The following EPB41L4A variants were observed in gnomAD, a reference collection of about 807,000 sequenced individuals.
EPB41L4A encodes the protein band 4.1-like protein 4A.
A neutral mutation model predicts 108.6 loss-of-function variants in EPB41L4A; 100 were observed. That is an observed-to-expected ratio of 0.92 (90% CI 0.78 to 1.09). EPB41L4A has a LOEUF of 1.09. Among genes scored for constraint, EPB41L4A ranks in the 50% least tolerant of loss-of-function variants. EPB41L4A has a pLI of 0.00. For missense variants in EPB41L4A, 1,030 were observed against 842.7 expected (o/e 1.22, Z -2.75); for synonymous variants, 319 against 289.0 (o/e 1.10, Z -1.05).
At chr5:112,171,111 GA>G (rs1760556366) in intron 18 of EPB41L4A, 119 bp from the exon 19 acceptor site, 3 of 850,102 alleles carry the variant, frequency 3.5e-6, no homozygotes, top group Admixed American at 4.4e-5. Flanking sequence ...AACAGACAAG[GA>G]AAGACTGGAC....
In EPB41L4A at chr5:112,261,598, C is replaced by A. The variant is rs575594030; in HGVS notation, c.642+896G>T. ...AGAGAAGTAGCTCAAAGGTTAAAAC[C>A]CGGATCCAGAACACTCAGTGCAGAT... On this transcript the variant is annotated intron_variant, in intron 7 of 22. Transcript: ENST00000261486. Among the ~76,000 whole-genome samples the A allele has an allele frequency of 2.7e-5, 4 of 150,542 alleles. No homozygotes were observed. In the South Asian group the frequency reaches 8.9e-4, roughly 34 times the overall value.
At chr5:112,235,857 A>T (rs1749293168) in intron 11 of EPB41L4A, among the ~76,000 whole-genome samples, 1 of 152,216 alleles carries the variant, frequency 6.6e-6, no homozygotes, top group South Asian at 2.1e-4. Context: ...GTAACAGTTC[A>T]TGGAAATTCG....
chr5:112,418,297 G>A (rs1293226351), intron 1 of EPB41L4A, among the ~76,000 whole-genome samples: 1 of 152,146 alleles, frequency 6.6e-6, no homozygotes, highest in Non-Finnish European at 1.5e-5. Flanking sequence ...CTGCCTTTTT[G>A]TTTGGGCTCT....
At chr5:112,175,597 A>G (rs182357894) in intron 18 of EPB41L4A, 2 of 152,252 alleles carry the variant, frequency 1.3e-5, no homozygotes, top group Non-Finnish European at 2.9e-5. Context: ...ATTTAAGAAT[A>G]TGGGAGTAAT....
intron 2 of EPB41L4A, among the ~76,000 whole-genome samples, chr5:112,283,893 G>A (rs942677288): frequency 2.6e-5 from 4 of 152,114 alleles, no homozygotes; most frequent in African/African-American, 9.7e-5. Context: ...TGCAGGGTGA[G>A]TATACAATGG....
At chr5:112,290,468 C>T (rs1453344478) in intron 2 of EPB41L4A, among the ~76,000 whole-genome samples, 1 of 152,118 alleles carries the variant, frequency 6.6e-6, no homozygotes, top group Non-Finnish European at 1.5e-5. Flanking sequence ...TGAAAATAAA[C>T]ATGGTTTTAG....
intron 2 of EPB41L4A, among the ~76,000 whole-genome samples, chr5:112,306,568 G>A (rs1161686123): frequency 1.3e-5 from 2 of 152,134 alleles, no homozygotes; most frequent in Non-Finnish European, 2.9e-5. Flanking sequence ...GAAGGAAGAG[G>A]AGGACATCTC....
At chr5:112,378,991 G>A (rs1009096410) in intron 1 of EPB41L4A, among the ~76,000 whole-genome samples, 1 of 152,148 alleles carries the variant, frequency 6.6e-6, no homozygotes, top group Non-Finnish European at 1.5e-5. Flanking sequence ...TTAGTTATAT[G>A]CAGGTGTCTA....
intron 12 of EPB41L4A, among the ~76,000 whole-genome samples, chr5:112,234,030 C>T (rs988320187): frequency 1.3e-5 from 2 of 151,452 alleles, no homozygotes; most frequent in East Asian, 1.9e-4. Context: ...TCAAAAAGAA[C>T]GTATGGGGCC....
In EPB41L4A at chr5:112,215,992, G is replaced by C. The variant is rs887796758; in HGVS notation, c.1088-6010C>G. The stretch of plus-strand genomic sequence containing the variant: ...CAGTACTGAAATGCCAGTGTGCAAA[G>C]CTCCAGGGTTTCATTTGTTCGTTTT... On this transcript the variant is annotated intron_variant, in intron 12 of 22. Coordinates refer to ENST00000261486, the MANE Select transcript of EPB41L4A (RefSeq NM_022140.5). 7.2e-5 allele frequency among the ~76,000 whole-genome samples: 11 copies of C among 152,232 alleles called. No homozygotes were observed. The East Asian group carries it at 1.7e-3, about 24-fold the overall frequency.
At chr5:112,190,367 C>G (rs1392888680) in intron 17 of EPB41L4A, among the ~76,000 whole-genome samples, 1 of 152,144 alleles carries the variant, frequency 6.6e-6, no homozygotes, top group Non-Finnish European at 1.5e-5. Flanking sequence ...CAGACCCTAT[C>G]TTTAGAAAAC....
At chr5:112,298,991 T>C (rs1409709006) in intron 2 of EPB41L4A, among the ~76,000 whole-genome samples, 1 of 152,246 alleles carries the variant, frequency 6.6e-6, no homozygotes, top group Non-Finnish European at 1.5e-5. Context: ...TCAGTTGTAA[T>C]ATCCCCCATT....
intron 12 of EPB41L4A, among the ~76,000 whole-genome samples, chr5:112,233,044 T>TA (rs1035904695): frequency 2.2e-4 from 34 of 151,164 alleles, no homozygotes; most frequent in Admixed American, 1.5e-3. Flanking sequence ...GTGTCTTCAT[T>TA]AAAAAAAAAT....
At chr5:112,151,955 T>C (rs7449256) in intron 12 of EPB41L4A, among the ~76,000 whole-genome samples, 33,998 of 151,952 alleles carry the variant, frequency 0.22, 4,108 homozygotes, top group African/African-American at 0.31. Flanking sequence ...TGGTCTTGAA[T>C]TCCTGACCTC....
At chr5:112,269,942 C>T (rs1247266164) in intron 4 of EPB41L4A, among the ~76,000 whole-genome samples, 1 of 152,186 alleles carries the variant, frequency 6.6e-6, no homozygotes, top group African/African-American at 2.4e-5. Context: ...ACTTAACACA[C>T]TGCCACCACC....
At chr5:112,383,879 T>C (rs1293202942) in intron 1 of EPB41L4A, among the ~76,000 whole-genome samples, 1 of 152,204 alleles carries the variant, frequency 6.6e-6, no homozygotes, top group African/African-American at 2.4e-5. Context: ...TCCATTTGTA[T>C]ATCTCAAGAT....
At chr5:112,367,685 G>A (rs752293873) in intron 1 of EPB41L4A, among the ~76,000 whole-genome samples, 7 of 152,162 alleles carry the variant, frequency 4.6e-5, no homozygotes, top group Admixed American at 2.0e-4. Context: ...CATGCTGTGC[G>A]CAAACGCCTC....
chr5:112,340,782 C>T lies in EPB41L4A; in HGVS notation c.100-33292G>A, dbSNP rs539348862. ...TTAAAAAGGACGTATATTGTTGCTC[C>T]TATGTCTACTCCCTGGATAGAGATT... On this transcript the variant is annotated intron_variant, in intron 1 of 22. Coordinates refer to ENST00000261486, the MANE Select transcript of EPB41L4A (RefSeq NM_022140.5). Among the ~76,000 whole-genome samples, 152 of 152,290 alleles carry T rather than the reference C, an allele frequency of 1.0e-3. 1 individual carries two copies. The highest frequency in any genetic ancestry group is 3.6e-3 in the African/African-American group (148 of 41,558).
At chr5:112,197,676 T>A (rs371539783) in intron 15 of EPB41L4A, among the ~76,000 whole-genome samples, 49 of 152,298 alleles carry the variant, frequency 3.2e-4, no homozygotes, top group African/African-American at 1.0e-3. Flanking sequence ...ATCTGCAAGT[T>A]CCATTTATCC....
Sources: allele counts gnomAD v4.1 joint callset (sites outside exome capture counted in the v4.1 genomes callset), GRCh38; gene constraint gnomAD v4.1.1; transcripts MANE v1.5; gene names NCBI Gene and HGNC (gene_info 2026-07-23, HGNC 2026-07-21).